The following RASA2 variants were observed in gnomAD, a reference collection of about 807,000 sequenced individuals.
RASA2 encodes the protein RAS p21 protein activator 2, also known as ras GTPase-activating protein 2.
A neutral mutation model predicts 118.2 loss-of-function variants in RASA2; 155 were observed. The ratio of observed to expected loss-of-function variants is 1.31; its 90% CI spans 1.15 to 1.50. The LOEUF is 1.50. Among genes scored for constraint, RASA2 ranks in the 40% most tolerant of loss-of-function variants. RASA2 has a pLI of 0.00. For missense variants in RASA2, 1,016 were observed against 1,009.6 expected (o/e 1.01, Z -0.09); for synonymous variants, 353 against 349.1 (o/e 1.01, Z -0.12).
chr3:141,589,403 A>C (rs938981527), intron 19 of RASA2, among the ~76,000 whole-genome samples: 1 of 152,212 alleles, frequency 6.6e-6, no homozygotes, highest in African/African-American at 2.4e-5. Context: ...TTAGATAGCT[A>C]TGGACCCCTT....
Position 141,574,005 on chromosome 3 carries a change from GC to G in RASA2, c.1425del (p.Thr476LeufsTer2). 6.3e-7 allele frequency: 1 copy of G among 1,588,636 alleles called. No individual in the cohort carries two copies. Among genetic ancestry groups the G allele is most frequent in the Non-Finnish European group, 8.6e-7 (1 of 1,161,450 alleles). On this transcript the variant is annotated frameshift_variant, in exon 14 of 24. Coordinates refer to ENST00000286364, the MANE Select transcript of RASA2 (RefSeq NM_006506.5). LOFTEE classifies it high-confidence loss of function. ...FNTIVKSSMS[C>X]PTVMCDIFYS... ...ACAATTGTAAAATCAAGTATGAGCT[GC>G]CCCACTGTAATGTGTGATATCTTTT...
chr3:141,568,257 G>A (rs1268435077), intron 9 of RASA2, among the ~76,000 whole-genome samples: 2 of 152,082 alleles, frequency 1.3e-5, no homozygotes, highest in African/African-American at 4.8e-5. Flanking sequence ...ACTAGGAAGT[G>A]CTTTCAGGTA....
At chr3:141,600,316 G>C (rs1560061948) in intron 19 of RASA2, 2 of 537,892 alleles carry the variant, frequency 3.7e-6, no homozygotes, top group East Asian at 5.3e-5. Context: ...TGCACTGTCT[G>C]ATGTCCAAAG....
intron 5 of RASA2, among the ~76,000 whole-genome samples, chr3:141,543,739 G>A (rs562268334): frequency 6.6e-6 from 1 of 151,488 alleles, no homozygotes; most frequent in African/African-American, 2.4e-5. Flanking sequence ...TTGTGTCCTC[G>A]ATGGTTTCTG....
intron 19 of RASA2, among the ~76,000 whole-genome samples, chr3:141,602,770 A>G (rs2083485873): frequency 6.6e-6 from 1 of 152,134 alleles, no homozygotes; most frequent in Non-Finnish European, 1.5e-5. Flanking sequence ...AAAGGCTTCC[A>G]CCCTCTGTCA....
intron 5 of RASA2, among the ~76,000 whole-genome samples, chr3:141,547,111 T>C (rs913149265): frequency 1.8e-4 from 27 of 152,200 alleles, no homozygotes; most frequent in African/African-American, 6.5e-4. Flanking sequence ...CTCTGTAGTA[T>C]AATTTGAAAT....
chr3:141,564,263 G>C (rs2082783151), intron 9 of RASA2, among the ~76,000 whole-genome samples: 1 of 152,080 alleles, frequency 6.6e-6, no homozygotes, highest in Non-Finnish European at 1.5e-5. Context: ...GGAGCTAAAG[G>C]AAATAAAGTT....
intron 1 of RASA2, among the ~76,000 whole-genome samples, chr3:141,490,843 A>C (rs1483658206): frequency 1.3e-5 from 2 of 152,246 alleles, no homozygotes; most frequent in African/African-American, 4.8e-5. Flanking sequence ...AAATGGGGAT[A>C]GTAAAAATAC....
In RASA2 at chr3:141,559,814, A is replaced by G. The variant is rs2082703790; in HGVS notation, c.762-80A>G. ...TAAAATTAATGCTGTAATACAGATC[A>G]AAGTAATTTGAAGCTGTTTTGTGGT... is the stretch of plus-strand genomic sequence containing the variant. On this transcript the variant is annotated intron_variant, in intron 8 of 23. Transcript: ENST00000286364. 4.4e-6 allele frequency: 5 copies of G among 1,144,912 alleles called. No individual in the cohort carries two copies. The Admixed American group carries it at 9.4e-5, about 21-fold the overall frequency. 70.9% of individuals were successfully genotyped at this position (1,144,912 alleles called of 1,614,324 possible).
chr3:141,520,239 C>T (rs1347599888), intron 3 of RASA2, among the ~76,000 whole-genome samples: 1 of 152,010 alleles, frequency 6.6e-6, no homozygotes, highest in African/African-American at 2.4e-5. Context: ...TCTCGAACTC[C>T]TGACCTCGTG....
chr3:141,554,720 T>C (rs542463262), intron 6 of RASA2, among the ~76,000 whole-genome samples: 5 of 152,296 alleles, frequency 3.3e-5, no homozygotes, highest in African/African-American at 1.2e-4. Flanking sequence ...TAAGTCACTT[T>C]GAAAAATGTA....
chr3:141,582,237 G>T (rs1020764060), intron 17 of RASA2, among the ~76,000 whole-genome samples: 11 of 152,284 alleles, frequency 7.2e-5, no homozygotes, highest in African/African-American at 2.4e-4. Context: ...AGTGAAAAAT[G>T]ATGATTTAAA....
intron 6 of RASA2, among the ~76,000 whole-genome samples, chr3:141,554,408 C>T (rs554148483): frequency 1.3e-5 from 2 of 152,130 alleles, no homozygotes; most frequent in African/African-American, 4.8e-5. Flanking sequence ...AGAGAGAATT[C>T]CAACTGTAGA....
intron 4 of RASA2, among the ~76,000 whole-genome samples, chr3:141,539,737 G>A (rs2082380199): frequency 6.6e-6 from 1 of 152,116 alleles, no homozygotes; most frequent in Non-Finnish European, 1.5e-5. Flanking sequence ...CCAGCGGCAG[G>A]TTAGAAATAT....
At chr3:141,569,049 A>G (rs1430861986) in intron 9 of RASA2, among the ~76,000 whole-genome samples, 4 of 152,116 alleles carry the variant, frequency 2.6e-5, no homozygotes, top group Non-Finnish European at 5.9e-5. Flanking sequence ...TAAAAGACAT[A>G]TATAATACAG....
At chr3:141,499,934 C>T (rs940796503) in intron 1 of RASA2, among the ~76,000 whole-genome samples, 2 of 152,080 alleles carry the variant, frequency 1.3e-5, no homozygotes, top group Non-Finnish European at 2.9e-5. Context: ...GGATTATAGA[C>T]TCTTGGATTA....
rs148563998 is a variant in RASA2 at position 141,555,707 on chromosome 3, A to G, written c.612-133A>G. 166 of 668,392 alleles carry G rather than the reference A, an allele frequency of 2.5e-4. No individual in the cohort carries two copies. In the African/African-American group the frequency reaches 2.7e-3, roughly 11 times the overall value. The allele number at this position is 668,392 out of a possible 1,614,324, so 41.4% of individuals were successfully genotyped here. On this transcript the variant is annotated intron_variant, in intron 6 of 23. Transcript: ENST00000286364. ...AAGGACAGTTACTTTTTTCCAAGCA[A>G]TATTTAAAACTGAATCTTCCCTGAG... is the stretch of plus-strand genomic sequence containing the variant.
intron 15 of RASA2, among the ~76,000 whole-genome samples, chr3:141,577,356 A>G (rs184554619): frequency 3.9e-5 from 6 of 152,250 alleles, no homozygotes; most frequent in Admixed American, 1.3e-4. Flanking sequence ...ATGAGTACAA[A>G]GGGGATTTAT....
At chr3:141,558,799 T>C in intron 7 of RASA2, 87 bp from the exon 8 acceptor site, 1 of 1,032,456 alleles carries the variant, frequency 9.7e-7, no homozygotes, top group Non-Finnish European at 1.5e-6. Context: ...TTATCCACAA[T>C]TGAATATTTT....
Sources: allele counts gnomAD v4.1 joint callset (sites outside exome capture counted in the v4.1 genomes callset), GRCh38; gene constraint gnomAD v4.1.1; transcripts MANE v1.5; gene names NCBI Gene and HGNC (gene_info 2026-07-23, HGNC 2026-07-21).